LRCH3: variants seen among roughly 807,000 people sequenced by gnomAD.
LRCH3 encodes DISP complex protein LRCH3.
LRCH3 carries 68 observed loss-of-function variants against 104.5 expected under a neutral mutation model. The observed-to-expected ratio is 0.65, with a 90% CI of 0.54 to 0.80. LRCH3 has a LOEUF of 0.80. Among genes scored for constraint, LRCH3 ranks in the 30% least tolerant of loss-of-function variants. The probability of loss-of-function intolerance (pLI) is 0.00; values close to 1 mark genes in which losing one functional copy is unlikely to be tolerated. For missense variants in LRCH3, 951 were observed against 953.9 expected (o/e 1.00, Z 0.04); for synonymous variants, 344 against 361.3 (o/e 0.95, Z 0.54).
intron 5 of LRCH3, 54 bp downstream of exon 5, chr3:197,827,068 ACGG>A (rs2109256020): frequency 6.2e-7 from 1 of 1,600,898 alleles, no homozygotes; most frequent in South Asian, 1.1e-5. Context: ...CAGGTAAACC[ACGG>A]TGGAAGCATC....
chr3:197,849,911 A>G (rs1043827700), intron 12 of LRCH3, among the ~76,000 whole-genome samples: 1 of 152,228 alleles, frequency 6.6e-6, no homozygotes. Context: ...CACAAATAAA[A>G]CAGAAAATAA....
chr3:197,802,911 C>A (rs889313472), intron 1 of LRCH3, among the ~76,000 whole-genome samples: 2 of 152,076 alleles, frequency 1.3e-5, no homozygotes, highest in Non-Finnish European at 2.9e-5. Context: ...TCAGTGGGGA[C>A]CCTGGGAGTT....
Position 197,810,989 on chromosome 3 carries a change from A to C in LRCH3, c.263-3919A>C, listed in dbSNP as rs1478983795. Among the ~76,000 whole-genome samples, 1 of 152,164 alleles carries C rather than the reference A, an allele frequency of 6.6e-6. No homozygotes were observed. Reference sequence around the variant, plus strand: ...TGATTTTTATTGCATTATCTCAGTAAAATTTTCATGGGAATGGTAAGGTGG... The same window carrying C: ...TGATTTTTATTGCATTATCTCAGTACAATTTTCATGGGAATGGTAAGGTGG... On this transcript the variant is annotated intron_variant, in intron 1 of 20. Transcript: ENST00000425562. This position sits in a 1 kb window ranked among gnomAD's most constrained non-coding sequence, Gnocchi z 4.0.
Position 197,791,500 on chromosome 3 carries a change from G to C in LRCH3, c.222G>C (p.Arg74=), listed in dbSNP as rs766776355. 6.2e-7 allele frequency: 1 copy of C among 1,600,008 alleles called. No individual in the cohort carries two copies. Among genetic ancestry groups the C allele is most frequent in the African/African-American group, 1.4e-5 (1 of 73,454 alleles). The part of the protein sequence containing the change: ...LSGRKLREFP[R]GAANHDLTDT... ...GCCGGAAACTGAGGGAGTTTCCCCG[G>C]GGAGCGGCCAACCACGACCTGACGG... Residue 74 remains arginine, a synonymous_variant, in exon 1 of 21, where the codon CGG becomes CGC. Coordinates refer to ENST00000425562, the MANE Select transcript of LRCH3 (RefSeq NM_001365715.1).
At chr3:197,835,376 A>G (rs1046110700) in intron 8 of LRCH3, among the ~76,000 whole-genome samples, 5 of 151,042 alleles carry the variant, frequency 3.3e-5, no homozygotes, top group Admixed American at 6.6e-5. Flanking sequence ...TAGAGACGGG[A>G]TTTCAGCATA....
chr3:197,880,930 AT>A, intron 20 of LRCH3: 1 of 1,407,214 alleles, frequency 7.1e-7, no homozygotes, highest in Non-Finnish European at 9.2e-7. Flanking sequence ...AAAGACCAGC[AT>A]TTTTTCTCCT....
In LRCH3 at chr3:197,885,925, G is replaced by A. The variant is rs560967997; in HGVS notation, c.*2259G>A. ...TTATCCCTCTTTTTATCAGGTAAAT[G>A]TAGCATCTAAAAGTAGCTTTGGATC... is the stretch of plus-strand genomic sequence containing the variant. On this transcript the variant is annotated 3_prime_UTR_variant, in exon 21 of 21. Coordinates refer to ENST00000425562, the MANE Select transcript of LRCH3 (RefSeq NM_001365715.1). 1.3e-5 allele frequency: 2 copies of A among 152,314 alleles called. No homozygotes were observed. Among genetic ancestry groups the A allele is most frequent in the Non-Finnish European group, 2.9e-5 (2 of 68,038 alleles). The allele number at this position is 152,314 out of a possible 1,614,324, so 9.4% of individuals were successfully genotyped here.
At chr3:197,795,636 T>A (rs539511071) in intron 1 of LRCH3, among the ~76,000 whole-genome samples, 1 of 151,548 alleles carries the variant, frequency 6.6e-6, no homozygotes, top group South Asian at 2.1e-4. Context: ...TTTCAAATTA[T>A]GTGAGCTAAT....
chr3:197,833,279 G>A (rs1736209118), intron 8 of LRCH3, among the ~76,000 whole-genome samples: 1 of 150,942 alleles, frequency 6.6e-6, no homozygotes, highest in Admixed American at 6.6e-5. Context: ...CAACACTTTG[G>A]GAGGTTGAGG....
intron 1 of LRCH3, among the ~76,000 whole-genome samples, chr3:197,799,484 T>G (rs1260006160): frequency 6.6e-6 from 1 of 152,238 alleles, no homozygotes; most frequent in African/African-American, 2.4e-5. Context: ...TTCTAAATTT[T>G]TATTGTTTGA....
chr3:197,885,251 A>C lies in LRCH3; in HGVS notation c.*1585A>C, dbSNP rs1714106730. 1 of 152,250 alleles carries C rather than the reference A, an allele frequency of 6.6e-6. No individual in the cohort carries two copies. The highest frequency in any genetic ancestry group is 1.5e-5 in the Non-Finnish European group (1 of 68,060). The allele number at this position is 152,250 out of a possible 1,614,324, so 9.4% of individuals were successfully genotyped here. On this transcript the variant is annotated 3_prime_UTR_variant, in exon 21 of 21. Coordinates refer to ENST00000425562, the MANE Select transcript of LRCH3 (RefSeq NM_001365715.1). The stretch of plus-strand genomic sequence containing the variant: ...TACAGCACATACACTTCTAGCTCGG[A>C]AAAGCCTAGTTTCTTGTATTTCTTT...
intron 8 of LRCH3, 85 bp downstream of exon 8, chr3:197,832,402 G>T: frequency 7.0e-7 from 1 of 1,426,344 alleles, no homozygotes. Context: ...TCCTTTTGTT[G>T]GTGTATCTAT....
intron 5 of LRCH3, among the ~76,000 whole-genome samples, chr3:197,828,441 G>T (rs564457864): frequency 1.3e-5 from 2 of 152,084 alleles, no homozygotes; most frequent in African/African-American, 4.8e-5. Context: ...CGCCTCCCGG[G>T]TTCACACTAT....
At chr3:197,837,103 C>T (rs1309591648) in intron 9 of LRCH3, among the ~76,000 whole-genome samples, 1 of 152,132 alleles carries the variant, frequency 6.6e-6, no homozygotes, top group Admixed American at 6.5e-5. Context: ...TTAGATAAGT[C>T]AAAGTCCTAC....
chr3:197,880,928 G>C lies in LRCH3; in HGVS notation c.2209-2613G>C, dbSNP rs1249911028. 4 of 1,408,228 alleles carry C rather than the reference G, an allele frequency of 2.8e-6. No homozygotes were observed. The Admixed American group carries it at 8.9e-5, about 31-fold the overall frequency. The allele number at this position is 1,408,228 out of a possible 1,614,324, so 87.2% of individuals were successfully genotyped here. On this transcript the variant is annotated intron_variant, in intron 20 of 20. Coordinates refer to ENST00000425562, the MANE Select transcript of LRCH3 (RefSeq NM_001365715.1). ...ATTGCTAACAAAGAGTAAAAGACCA[G>C]CATTTTTTCTCCTGGTCATCCGTCC...
rs769301010 is a variant in LRCH3, at chr3:197,791,434, C to T, written c.156C>T (p.Ala52=). The T allele has an allele frequency of 2.5e-6, 4 of 1,595,850 alleles. No homozygotes were observed. The highest frequency in any genetic ancestry group is 3.4e-6 in the Non-Finnish European group (4 of 1,172,682). The change falls in exon 1 of 21, where the codon GCC becomes GCT. Residue 52 remains alanine, a synonymous_variant. Coordinates refer to ENST00000425562, the MANE Select transcript of LRCH3 (RefSeq NM_001365715.1). ...CGTGGAGCCGCTCTCTCGATCGAGC[C>T]CTGGAGGAGGCGGCGGTCACTGGGG... The part of the protein sequence containing the change: ...PGSWSRSLDR[A]LEEAAVTGVL...
At chr3:197,832,839 A>G (rs1433485748) in intron 8 of LRCH3, among the ~76,000 whole-genome samples, 3 of 152,176 alleles carry the variant, frequency 2.0e-5, no homozygotes, top group African/African-American at 7.2e-5. Flanking sequence ...ATACTTCCGA[A>G]GCAGACTCTT....
intron 13 of LRCH3, among the ~76,000 whole-genome samples, chr3:197,853,750 T>C (rs1365386714): frequency 6.6e-6 from 1 of 152,228 alleles, no homozygotes; most frequent in Non-Finnish European, 1.5e-5. Context: ...TGTTTTTTTA[T>C]GTTAGAACAT....
In LRCH3 at chr3:197,880,640, G is replaced by C. The variant is rs1005177426; in HGVS notation, c.2209-2901G>C. 6 of 1,536,592 alleles carry C rather than the reference G, an allele frequency of 3.9e-6. No individual in the cohort carries two copies. In the African/African-American group the frequency reaches 8.2e-5, roughly 21 times the overall value. On this transcript the variant is annotated intron_variant, in intron 20 of 20. Transcript: ENST00000425562. ...TTGTCTGTCTCTCTCTGCAGCTTCTGGGTTTTGTGGCATTTTACTGTACTG... is the reference window on the plus strand; with the variant it reads ...TTGTCTGTCTCTCTCTGCAGCTTCTCGGTTTTGTGGCATTTTACTGTACTG...
Sources: gnomAD v4.1 joint callset for allele counts (sites outside exome capture counted in the v4.1 genomes callset) on GRCh38, gnomAD v4.1.1 for gene constraint, Gnocchi (gnomAD v3.1) non-coding constraint, MANE v1.5 for transcripts, NCBI Gene and HGNC (gene_info 2026-07-23, HGNC 2026-07-21) for gene names.